RASSF5: variants seen among roughly 807,000 people sequenced by gnomAD.
The protein encoded by RASSF5 is ras association domain-containing protein 5.
RASSF5 carries 25 observed loss-of-function variants against 40.5 expected under a neutral mutation model. That is an observed-to-expected ratio of 0.62 (90% CI 0.45 to 0.86). The LOEUF is 0.86. Ranked by LOEUF, RASSF5 falls within the 40% of genes least tolerant of loss-of-function variation. The pLI, the probability that RASSF5 is intolerant of heterozygous loss-of-function variation, is 0.00. For missense variants in RASSF5, 521 were observed against 572.8 expected (o/e 0.91, Z 0.92); for synonymous variants, 246 against 252.4 (o/e 0.97, Z 0.24).
Position 206,535,525 on chromosome 1 carries a change from A to AT in RASSF5, c.458-2646dup, listed in dbSNP as rs1156528799. Among the ~76,000 whole-genome samples the AT allele has an allele frequency of 6.6e-6, 1 of 152,184 alleles. No homozygotes were observed. The highest frequency in any genetic ancestry group is 1.5e-5 in the Non-Finnish European group (1 of 68,028). ...CTTGGCATTTCCAGGACGAGGAAGT[A>AT]TGAAGATGTGCTTCAGAGGTTTTGC... On this transcript the variant is annotated intron_variant, in intron 1 of 5. Transcript: ENST00000579436. The surrounding 1 kb of genome is among the most constrained non-coding windows in gnomAD (Gnocchi z 5.0).
intron 1 of RASSF5, among the ~76,000 whole-genome samples, chr1:206,517,893 C>T (rs1183664269): frequency 1.3e-5 from 2 of 152,154 alleles, no homozygotes; most frequent in Admixed American, 1.3e-4. Flanking sequence ...CCTCCCCCAC[C>T]CTGGGCTTAG....
intron 1 of RASSF5, chr1:206,518,494 A>G (rs1553395689): frequency 7.5e-6 from 3 of 398,646 alleles, no homozygotes; most frequent in Non-Finnish European, 4.4e-6. Flanking sequence ...TCGGTCTCCA[A>G]AAAGCACCAG....
rs950406084 is a variant in RASSF5 at position 206,560,151 on chromosome 1, C to T, written c.579+21858C>T. ...CAAGGAAAGGAGTTGATGTGTTTCC[C>T]GGTCGTCGAGAGATTGAGGCCCTCA... On this transcript the variant is annotated intron_variant, in intron 2 of 5. Transcript: ENST00000579436. This position sits in a 1 kb window ranked among gnomAD's most constrained non-coding sequence, Gnocchi z 5.1. 1.4e-4 allele frequency among the ~76,000 whole-genome samples: 22 copies of T among 152,178 alleles called. No individual in the cohort carries two copies. Among genetic ancestry groups the T allele is most frequent in the Admixed American group, 1.2e-3 (18 of 15,278 alleles).
intron 1 of RASSF5, among the ~76,000 whole-genome samples, chr1:206,510,251 G>T (rs57355033): frequency 0.037 from 5,626 of 152,034 alleles, 394 homozygotes; most frequent in African/African-American, 0.13. Flanking sequence ...TCAGAAATAG[G>T]ACTTTAAAAA....
rs782524239 is a variant in RASSF5 at position 206,538,246 on chromosome 1, C to A, written c.532C>A (p.Arg178=). The change falls in exon 2 of 6, where the codon CGG becomes AGG. Residue 178 remains arginine, a synonymous_variant. Coordinates refer to ENST00000579436, the MANE Select transcript of RASSF5 (RefSeq NM_182663.4). ...LDCSQQEGLS[R]DRPSPESTLT... ...CTGCAGTCAGCAGGAGGGTTTATCCCGGGACAGACCCTCTCCAGAAAGCAC... is the reference window on the plus strand; with the variant it reads ...CTGCAGTCAGCAGGAGGGTTTATCCAGGGACAGACCCTCTCCAGAAAGCAC... 6.2e-7 allele frequency: 1 copy of A among 1,614,054 alleles called. No individual in the cohort carries two copies. The highest frequency in any genetic ancestry group is 1.1e-5 in the South Asian group (1 of 91,086).
intron 2 of RASSF5, among the ~76,000 whole-genome samples, chr1:206,563,040 G>A (rs983806606): frequency 5.3e-5 from 8 of 152,154 alleles, no homozygotes; most frequent in Admixed American, 1.3e-4. Context: ...TTCAGTCATT[G>A]AATATAATCA....
At chr1:206,525,757 A>G (rs1354085972) in intron 1 of RASSF5, among the ~76,000 whole-genome samples, 1 of 152,248 alleles carries the variant, frequency 6.6e-6, no homozygotes, top group Non-Finnish European at 1.5e-5. Context: ...GGCCCCAGAG[A>G]GAATTTTAAT....
chr1:206,581,734 G>A (rs182751578), intron 2 of RASSF5, among the ~76,000 whole-genome samples: 289 of 152,280 alleles, frequency 1.9e-3, no homozygotes, highest in Non-Finnish European at 3.1e-3. Context: ...CTGGAGCCAC[G>A]CCAGCTCCTC....
chr1:206,518,322 T>TC, intron 1 of RASSF5: 1 of 266,808 alleles, frequency 3.7e-6, no homozygotes, highest in Non-Finnish European at 7.0e-6. Flanking sequence ...CCCGGAGCCC[T>TC]CCCCCACCCG....
intron 1 of RASSF5, among the ~76,000 whole-genome samples, chr1:206,516,700 G>A (rs945447648): frequency 2.3e-4 from 35 of 152,210 alleles, no homozygotes; most frequent in African/African-American, 6.7e-4. Flanking sequence ...CTTGTGATCC[G>A]CCTGCCTCGG....
chr1:206,508,833 C>T (rs1302677641), intron 1 of RASSF5, among the ~76,000 whole-genome samples: 1 of 152,166 alleles, frequency 6.6e-6, no homozygotes, highest in Non-Finnish European at 1.5e-5. Flanking sequence ...CTCCAGTCAC[C>T]TCCTGAGCCA....
At position 206,589,361 on chromosome 1, in the gene RASSF5, A is replaced by G. The variant is rs1553408535; in HGVS notation, c.*2383A>G. 6.5e-6 allele frequency: 1 copy of G among 152,746 alleles called. No homozygotes were observed. The highest frequency in any genetic ancestry group is 1.5e-5 in the Non-Finnish European group (1 of 68,042). 9.5% of individuals were successfully genotyped at this position (152,746 alleles called of 1,614,324 possible). A position where few individuals can be genotyped will look rare whatever the true frequency, so the allele number is the denominator to read the frequency against. On this transcript the variant is annotated 3_prime_UTR_variant, in exon 6 of 6. Transcript: ENST00000579436. The stretch of plus-strand genomic sequence containing the variant: ...AGAGGGTGAGAATGGACATGATCAC[A>G]TGCTTCCTGGTGGAGTCAGATTTTC...
At chr1:206,522,670 T>C (rs1666939213) in intron 1 of RASSF5, among the ~76,000 whole-genome samples, 1 of 152,294 alleles carries the variant, frequency 6.6e-6, no homozygotes, top group African/African-American at 2.4e-5. Flanking sequence ...TCCCACCTCT[T>C]TCTGCTCCCT....
chr1:206,554,168 T>C (rs569204986), intron 2 of RASSF5, among the ~76,000 whole-genome samples: 1 of 152,310 alleles, frequency 6.6e-6, no homozygotes, highest in Non-Finnish European at 1.5e-5. Context: ...CTACATCTGA[T>C]CATAAGGTCA....
At chr1:206,540,200 C>T (rs1405274825) in intron 2 of RASSF5, among the ~76,000 whole-genome samples, 3 of 152,322 alleles carry the variant, frequency 2.0e-5, no homozygotes, top group South Asian at 2.1e-4. Flanking sequence ...GTCAGTTGGG[C>T]GAAGACTGAG....
chr1:206,585,863 G>A (rs546086022), intron 5 of RASSF5: 3 of 152,520 alleles, frequency 2.0e-5, no homozygotes, highest in East Asian at 3.9e-4. Flanking sequence ...AAGGAGTTTT[G>A]GGAGTCACTG....
intron 2 of RASSF5, among the ~76,000 whole-genome samples, chr1:206,580,418 C>T (rs540310023): frequency 6.1e-4 from 93 of 152,286 alleles, no homozygotes; most frequent in African/African-American, 2.2e-3. Flanking sequence ...AGCCTACATG[C>T]GTCAGAGACA....
rs1250345585 is a variant in RASSF5 at position 206,589,139 on chromosome 1, T to G, written c.*2161T>G. 1 of 152,606 alleles carries G rather than the reference T, an allele frequency of 6.6e-6. No homozygotes were observed. Among genetic ancestry groups the G allele is most frequent in the Non-Finnish European group, 1.5e-5 (1 of 68,006 alleles). 9.5% of individuals were successfully genotyped at this position (152,606 alleles called of 1,614,324 possible). Reference sequence around the variant, plus strand: ...TCGAGTACCCGTTCCCTCCCAGAGGTGGGAGTAACTGCTGGTAGTGCCTTC... The same window carrying G: ...TCGAGTACCCGTTCCCTCCCAGAGGGGGGAGTAACTGCTGGTAGTGCCTTC... On this transcript the variant is annotated 3_prime_UTR_variant, in exon 6 of 6. Coordinates refer to ENST00000579436, the MANE Select transcript of RASSF5 (RefSeq NM_182663.4).
intron 2 of RASSF5, among the ~76,000 whole-genome samples, chr1:206,567,590 C>T (rs184694471): frequency 9.2e-5 from 14 of 152,164 alleles, no homozygotes; most frequent in African/African-American, 3.1e-4. Context: ...AACCACCACT[C>T]TAGGCCTCAC....
Sources: gnomAD v4.1 joint callset for allele counts (sites outside exome capture counted in the v4.1 genomes callset) on GRCh38, gnomAD v4.1.1 for gene constraint, Gnocchi (gnomAD v3.1) non-coding constraint, MANE v1.5 for transcripts, NCBI Gene and HGNC (gene_info 2026-07-23, HGNC 2026-07-21) for gene names.